The following SV2C variants were observed in gnomAD, a reference collection of about 807,000 sequenced individuals.
SV2C encodes solute carrier family 22 member B3.
A neutral mutation model predicts 79.7 loss-of-function variants in SV2C; 49 were observed. The ratio of observed to expected loss-of-function variants is 0.61; its 90% confidence interval spans 0.49 to 0.78. The LOEUF (loss-of-function observed/expected upper bound fraction) is 0.78. Ranked by LOEUF, SV2C falls within the 30% of genes least tolerant of loss-of-function variation. SV2C has a pLI of 0.00. For synonymous variants in SV2C, 334 were observed against 333.2 expected, an observed-to-expected ratio of 1.00 and a Z score of -0.03; for missense variants, 833 against 912.9, an observed-to-expected ratio of 0.91 and a Z score of 1.13.
the SV2C span, among the ~76,000 whole-genome samples, chr5:76,036,740 G>A: frequency 2.0e-5 from 3 of 152,030 alleles, no homozygotes; most frequent in African/African-American, 4.8e-5. Flanking sequence ...TGCTCTTCTC[G>A]AGGAGTATCT....
chr5:75,853,376 G>A, the SV2C span, among the ~76,000 whole-genome samples: 1 of 151,620 alleles, frequency 6.6e-6, no homozygotes, highest in Non-Finnish European at 1.5e-5. Flanking sequence ...CTAACACGGT[G>A]AAACCCTGTC....
chr5:75,911,691 T>G, the SV2C span: 1 of 668,414 alleles, frequency 1.5e-6, no homozygotes. Flanking sequence ...CATCTCAGAT[T>G]GCTTCAGAGC....
chr5:75,847,959 G>A, the SV2C span, among the ~76,000 whole-genome samples: 7 of 152,250 alleles, frequency 4.6e-5, no homozygotes, highest in African/African-American at 1.7e-4. Flanking sequence ...GAAAAGCCCA[G>A]CTCCATGCCA....
chr5:76,255,317 A>C (rs1390718391), intron 4 of SV2C, among the ~76,000 whole-genome samples: 1 of 152,220 alleles, frequency 6.6e-6, no homozygotes, highest in East Asian at 1.9e-4. Context: ...GGAATTCACA[A>C]ACGCATTCTG....
intron 4 of SV2C, among the ~76,000 whole-genome samples, chr5:76,269,556 C>A (rs1364395913): frequency 1.3e-5 from 2 of 152,174 alleles, no homozygotes; most frequent in Non-Finnish European, 2.9e-5. Flanking sequence ...ACCTTTGAAT[C>A]CACTTTACCC....
chr5:76,128,913 A>G (rs1221098364), intron 1 of SV2C, among the ~76,000 whole-genome samples: 3 of 152,240 alleles, frequency 2.0e-5, no homozygotes, highest in Non-Finnish European at 2.9e-5. Context: ...TAATTCAAGC[A>G]TAACCTTCCC....
At chr5:75,879,434 G>C in the SV2C span, among the ~76,000 whole-genome samples, 2 of 152,324 alleles carry the variant, frequency 1.3e-5, no homozygotes, top group South Asian at 2.1e-4. Flanking sequence ...AAAAGAGAAA[G>C]AGTGGCCAAA....
At chr5:75,920,743 G>A in the SV2C span, 154 of 775,522 alleles carry the variant, frequency 2.0e-4, no homozygotes, top group Non-Finnish European at 2.9e-4. Context: ...TTGAAGGTGC[G>A]GTTCAGGAGG....
chr5:76,040,459 T>G, the SV2C span, among the ~76,000 whole-genome samples: 6 of 152,232 alleles, frequency 3.9e-5, no homozygotes, highest in Admixed American at 6.5e-5. Context: ...GATACCATCA[T>G]ATAGAAGATG....
chr5:76,033,969 T>A, the SV2C span, among the ~76,000 whole-genome samples: 1 of 152,196 alleles, frequency 6.6e-6, no homozygotes, highest in Admixed American at 6.5e-5. Flanking sequence ...TTCCCATCCC[T>A]TGTAAGTTGG....
the SV2C span, among the ~76,000 whole-genome samples, chr5:75,943,273 A>G: frequency 6.6e-6 from 1 of 152,182 alleles, no homozygotes; most frequent in African/African-American, 2.4e-5. Context: ...TAAACTGGCA[A>G]CTGGCTTTTA....
the SV2C span, among the ~76,000 whole-genome samples, chr5:76,059,150 C>A: frequency 5.4e-4 from 82 of 152,200 alleles, no homozygotes; most frequent in Admixed American, 1.7e-3. Context: ...GAGTTATAAT[C>A]TTTTTGCTGG....
chr5:76,262,966 G>T (rs1579999852), intron 4 of SV2C, among the ~76,000 whole-genome samples: 1 of 152,174 alleles, frequency 6.6e-6, no homozygotes, highest in Non-Finnish European at 1.5e-5. Flanking sequence ...CCAGAGCTGA[G>T]TTCAAGTCCT....
chr5:76,074,389 T>C, the SV2C span, among the ~76,000 whole-genome samples: 14 of 152,092 alleles, frequency 9.2e-5, no homozygotes, highest in African/African-American at 3.4e-4. Flanking sequence ...GATGCCACAT[T>C]TACTGAGGCG....
chr5:76,177,403 T>C (rs1251973484), intron 2 of SV2C, among the ~76,000 whole-genome samples: 1 of 151,662 alleles, frequency 6.6e-6, no homozygotes, highest in South Asian at 2.1e-4. Context: ...GTTTTTTCAA[T>C]ATATACATAC....
the SV2C span, among the ~76,000 whole-genome samples, chr5:75,865,137 C>A: frequency 2.6e-5 from 4 of 152,272 alleles, no homozygotes; most frequent in East Asian, 7.7e-4. Flanking sequence ...AGAAAAGGAA[C>A]AATTGAGCAT....
At chr5:76,119,301 C>T (rs1325620031) in intron 1 of SV2C, among the ~76,000 whole-genome samples, 1 of 152,158 alleles carries the variant, frequency 6.6e-6, no homozygotes, top group Non-Finnish European at 1.5e-5. Context: ...CCACCCTGCA[C>T]CCTATTGCAC....
the SV2C span, among the ~76,000 whole-genome samples, chr5:75,913,544 A>G: frequency 6.6e-6 from 1 of 152,208 alleles, no homozygotes; most frequent in Non-Finnish European, 1.5e-5. Context: ...GCTGTATTTC[A>G]TAAAGTACGT....
chr5:76,087,536 G>C (rs1198544639), intron 1 of SV2C, among the ~76,000 whole-genome samples: 1 of 152,160 alleles, frequency 6.6e-6, no homozygotes, highest in African/African-American at 2.4e-5. Flanking sequence ...AAATAGTTGT[G>C]TATATCATAT....
Sources: allele counts gnomAD v4.1 joint callset (sites outside exome capture counted in the v4.1 genomes callset), GRCh38; gene constraint gnomAD v4.1.1; transcripts MANE v1.5; gene names NCBI Gene and HGNC (gene_info 2026-07-23, HGNC 2026-07-21).